Variants in CETP observed in about 807,000 individuals in gnomAD.
CETP encodes cholesteryl ester transfer protein.
In CETP, 56 loss-of-function variants were observed where a neutral mutation model predicts 66.5. The observed-to-expected ratio is 0.84, with a 90% confidence interval of 0.68 to 1.05. The LOEUF (loss-of-function observed/expected upper bound fraction) is 1.05, where lower values mean the gene tolerates loss of function less well. Ranked by LOEUF, CETP falls within the 50% of genes least tolerant of loss-of-function variation. CETP has a pLI of 0.00. For synonymous variants in CETP, 251 were observed against 245.7 expected, an observed-to-expected ratio of 1.02 and a Z score of -0.20; for missense variants, 612 against 609.6, an observed-to-expected ratio of 1.00 and a Z score of -0.04.
At chr16:56,965,315 T>G (rs1332751521) in intron 2 of CETP, among the ~76,000 whole-genome samples, 1 of 152,228 alleles carries the variant, frequency 6.6e-6, no homozygotes, top group Non-Finnish European at 1.5e-5. Context: ...TAACTATGAT[T>G]GGTCATGATT....
intron 2 of CETP, among the ~76,000 whole-genome samples, chr16:56,965,503 C>T (rs953664179): frequency 1.3e-4 from 20 of 152,174 alleles, no homozygotes; most frequent in Admixed American, 6.5e-4. Context: ...GGGATGGACC[C>T]AGGATCAAAT....
intron 15 of CETP, 63 bp downstream of exon 15, chr16:56,983,474 T>C (rs2056203154): frequency 6.3e-7 from 1 of 1,598,020 alleles, no homozygotes; most frequent in South Asian, 1.1e-5. Flanking sequence ...ACAGGATTCC[T>C]GGGGTGACTG....
chr16:56,982,690 C>T (rs1411332742), intron 14 of CETP, among the ~76,000 whole-genome samples: 1 of 152,190 alleles, frequency 6.6e-6, no homozygotes, highest in African/African-American at 2.4e-5. Context: ...GGATGGTAGA[C>T]TCTCAGACAC....
chr16:56,982,270 G>C, intron 14 of CETP, 33 bp downstream of exon 14: 3 of 1,596,928 alleles, frequency 1.9e-6, no homozygotes, highest in Non-Finnish European at 2.6e-6. Context: ...ACTGGGTGCC[G>C]AGGCTGACAG....
At chr16:56,975,532 A>G (rs756429755) in intron 10 of CETP, among the ~76,000 whole-genome samples, 1 of 152,198 alleles carries the variant, frequency 6.6e-6, no homozygotes, top group Non-Finnish European at 1.5e-5. Context: ...GGCCCCAGCA[A>G]TAAGTGACTG....
chr16:56,967,023 G>A (rs1025766711), intron 2 of CETP, among the ~76,000 whole-genome samples: 11 of 152,132 alleles, frequency 7.2e-5, no homozygotes, highest in Non-Finnish European at 1.2e-4. Flanking sequence ...AGGAGCTTAC[G>A]CAGCTATTAC....
intron 2 of CETP, 33 bp downstream of exon 2, chr16:56,963,157 G>T (rs768745796): frequency 1.9e-6 from 3 of 1,571,306 alleles, no homozygotes; most frequent in Non-Finnish European, 2.6e-6. Context: ...CCAGGCTGGG[G>T]GTAGGGAGGC....
chr16:56,964,547 G>A (rs1313569805), intron 2 of CETP, among the ~76,000 whole-genome samples: 1 of 152,102 alleles, frequency 6.6e-6, no homozygotes, highest in Non-Finnish European at 1.5e-5. Context: ...TCGGTCTGAG[G>A]CCCCAAGGGT....
At chr16:56,974,519 A>G (rs1375322659) in intron 9 of CETP, among the ~76,000 whole-genome samples, 1 of 152,216 alleles carries the variant, frequency 6.6e-6, no homozygotes, top group African/African-American at 2.4e-5. Flanking sequence ...GGATAGATAG[A>G]CAGAGTGATC....
chr16:56,973,614 G>C, intron 9 of CETP, 104 bp downstream of exon 9: 1 of 1,330,094 alleles, frequency 7.5e-7, no homozygotes, highest in South Asian at 1.3e-5. Flanking sequence ...ACTTGGTGGT[G>C]GGCAAAAGAA....
intron 11 of CETP, among the ~76,000 whole-genome samples, chr16:56,980,014 G>C (rs2056176942): frequency 6.6e-6 from 1 of 152,046 alleles, no homozygotes; most frequent in Non-Finnish European, 1.5e-5. Context: ...TTGAATAAAA[G>C]TTGCAAAATA....
At chr16:56,981,057 C>T (rs2056183372) in intron 11 of CETP, 101 bp from the exon 12 acceptor site, 1 of 879,364 alleles carries the variant, frequency 1.1e-6, no homozygotes, top group Non-Finnish European at 1.9e-6. Context: ...CCTTGCCTCT[C>T]CAGTCCCTCA....
At chr16:56,971,258 G>A (rs2056107922) in intron 6 of CETP, 63 bp from the exon 7 acceptor site, 3 of 1,579,590 alleles carry the variant, frequency 1.9e-6, no homozygotes, top group South Asian at 2.2e-5. Flanking sequence ...CCACGCAGCT[G>A]GAAGGAGGCA....
intron 5 of CETP, 136 bp downstream of exon 5, chr16:56,970,137 G>C (rs1361094444): frequency 1.2e-5 from 9 of 760,844 alleles, no homozygotes; most frequent in Non-Finnish European, 2.1e-5. Flanking sequence ...ACCTTCAGTG[G>C]GGTCACTTCC....
chr16:56,978,748 G>A (rs938422195), intron 11 of CETP, among the ~76,000 whole-genome samples: 20 of 152,118 alleles, frequency 1.3e-4, no homozygotes, highest in Admixed American at 1.2e-3. Flanking sequence ...GGCCTCCTAA[G>A]TTGCTGGGGT....
chr16:56,973,206 C>T, intron 8 of CETP, 125 bp from the exon 9 acceptor site: 1 of 991,240 alleles, frequency 1.0e-6, no homozygotes, highest in Non-Finnish European at 1.6e-6. Flanking sequence ...CTGGGTACAG[C>T]TCTTTCCTCA....
chr16:56,979,041 G>T (rs2056170032), intron 11 of CETP, among the ~76,000 whole-genome samples: 2 of 152,132 alleles, frequency 1.3e-5, no homozygotes, highest in South Asian at 4.1e-4. Flanking sequence ...GGGCCCAGCT[G>T]GTCTGAGACT....
At chr16:56,983,509 G>A in intron 15 of CETP, 83 bp from the exon 16 acceptor site, 2 of 1,594,102 alleles carry the variant, frequency 1.3e-6, no homozygotes, top group East Asian at 2.2e-5. Flanking sequence ...GACAGACAGA[G>A]GGGCCTCTAC....
At chr16:56,980,888 C>T (rs2056182392) in intron 11 of CETP, among the ~76,000 whole-genome samples, 1 of 152,148 alleles carries the variant, frequency 6.6e-6, no homozygotes, top group Non-Finnish European at 1.5e-5. Flanking sequence ...TGCCACTGCC[C>T]TCCAGCCTGG....
Sources: gnomAD v4.1 joint callset for allele counts (sites outside exome capture counted in the v4.1 genomes callset) on GRCh38, gnomAD v4.1.1 for gene constraint, MANE v1.5 for transcripts, NCBI Gene and HGNC (gene_info 2026-07-23, HGNC 2026-07-21) for gene names.